PIEZO2: variants seen among roughly 807,000 people sequenced by gnomAD.
PIEZO2 encodes piezo-type mechanosensitive ion channel component 2.
PIEZO2 carries 172 observed loss-of-function variants against 337.3 expected under a neutral mutation model. That is an observed-to-expected ratio of 0.51 (90% CI 0.45 to 0.58). PIEZO2 has a LOEUF of 0.58. Among genes scored for constraint, PIEZO2 ranks in the 20% least tolerant of loss-of-function variants. The probability of loss-of-function intolerance (pLI) is 0.00; values close to 1 mark genes in which losing one functional copy is unlikely to be tolerated. For missense variants in PIEZO2, 3,028 were observed against 3,391.3 expected, an observed-to-expected ratio of 0.89 and a Z score of 2.66; for synonymous variants, 1,251 against 1,228.5, an observed-to-expected ratio of 1.02 and a Z score of -0.38.
At chr18:10,989,217 A>T (rs534703071) in intron 2 of PIEZO2, among the ~76,000 whole-genome samples, 38 of 152,228 alleles carry the variant, frequency 2.5e-4, no homozygotes, top group African/African-American at 8.9e-4. Context: ...ATTGAAATGT[A>T]TACATTAATT....
chr18:10,726,632 A>G lies in PIEZO2; in HGVS notation c.5029+4775T>C. 1 of 1,384,300 alleles carries G rather than the reference A, an allele frequency of 7.2e-7. No individual in the cohort carries two copies. Among genetic ancestry groups the G allele is most frequent in the Non-Finnish European group, 9.7e-7 (1 of 1,028,430 alleles). 85.8% of individuals were successfully genotyped at this position (1,384,300 alleles called of 1,614,324 possible). A position where few individuals can be genotyped will look rare whatever the true frequency, so the allele number is the denominator to read the frequency against. ...CGGGACGCCGACGTGCGCTGGGAGT[A>G]CTGCGCGCGCGCCAAGCGCGGCCAG... On this transcript the variant is annotated intron_variant, in intron 36 of 55. Coordinates refer to ENST00000674853, the MANE Select transcript of PIEZO2 (RefSeq NM_001378183.1). This position sits in a 1 kb window ranked among gnomAD's most constrained non-coding sequence, Gnocchi z 5.9.
chr18:10,991,205 C>CAT (rs924280792), intron 2 of PIEZO2, among the ~76,000 whole-genome samples: 8 of 146,194 alleles, frequency 5.5e-5, no homozygotes, highest in Non-Finnish European at 7.5e-5. Flanking sequence ...TACATATATA[C>CAT]ATATATATAT....
intron 1 of PIEZO2, among the ~76,000 whole-genome samples, chr18:11,119,603 T>C (rs78769734): frequency 0.025 from 3,855 of 152,244 alleles, 75 homozygotes; most frequent in East Asian, 0.077. Context: ...CAATGAAATA[T>C]TACGAAGGTA....
intron 4 of PIEZO2, among the ~76,000 whole-genome samples, chr18:10,891,983 T>C (rs1481074519): frequency 1.3e-5 from 2 of 152,150 alleles, no homozygotes; most frequent in African/African-American, 4.8e-5. Context: ...CAGAAATGGG[T>C]CCGGTAAACA....
Position 10,837,203 on chromosome 18 carries a change from A to AGG in PIEZO2, c.917+18149_917+18150insCC, listed in dbSNP as rs2041042319. Among the ~76,000 whole-genome samples the AGG allele has an allele frequency of 6.6e-6, 1 of 152,190 alleles. No individual in the cohort carries two copies. The highest frequency in any genetic ancestry group is 2.4e-5 in the African/African-American group (1 of 41,456). On this transcript the variant is annotated intron_variant, in intron 7 of 55. Transcript: ENST00000674853. The surrounding 1 kb of genome is among the most constrained non-coding windows in gnomAD (Gnocchi z 4.4). ...TGGACGGTAACAGAACCTGGAAATCAATGCTTTGAGGGGATTTTATTTTGA... is the reference window on the plus strand; with the variant it reads ...TGGACGGTAACAGAACCTGGAAATCAGGATGCTTTGAGGGGATTTTATTTTGA...
intron 36 of PIEZO2, among the ~76,000 whole-genome samples, chr18:10,721,268 T>C (rs2036299181): frequency 6.6e-6 from 1 of 152,154 alleles, no homozygotes; most frequent in Admixed American, 6.5e-5. Context: ...AAGGATCGAG[T>C]TAGTTACTAC....
chr18:11,066,131 C>G lies in PIEZO2; in HGVS notation c.156G>C (p.Met52Ile). 6.5e-7 allele frequency: 1 copy of G among 1,530,696 alleles called. No homozygotes were observed. Among genetic ancestry groups the G allele is most frequent in the Non-Finnish European group, 8.8e-7 (1 of 1,141,030 alleles). The allele number at this position is 1,530,696 out of a possible 1,614,324, so 94.8% of individuals were successfully genotyped here. ...ACGATAACAAAATTCTCTTACCTTG[C>G]ATCGTCGTTTTTGTTGGTTCTGAGA... Reference protein sequence around the residue: ...PLFSEPTKTTMQGHTGRLLKS... With the variant: ...PLFSEPTKTTIQGHTGRLLKS... Residue 52 changes from methionine to isoleucine, a missense_variant, in exon 2 of 56, where the codon ATG becomes ATC. By Grantham distance (10) the Met-to-Ile change is conservative. Around this residue, in one of 5 missense-constraint regions of PIEZO2, gnomAD observed 542 missense variants for 605.6 expected, o/e 0.89. Coordinates refer to ENST00000674853, the MANE Select transcript of PIEZO2 (RefSeq NM_001378183.1).
At chr18:10,977,001 A>ATATGTG (rs1555686066) in intron 3 of PIEZO2, among the ~76,000 whole-genome samples, 1 of 142,800 alleles carries the variant, frequency 7.0e-6, no homozygotes, top group Non-Finnish European at 1.5e-5. Flanking sequence ...AAGAACAAAT[A>ATATGTG]TGTGTGTGTG....
rs904102440 is a variant in PIEZO2, at chr18:10,762,839, T to C, written c.3123+83A>G. The C allele has an allele frequency of 1.5e-5, 22 of 1,450,612 alleles. 1 individual carries two copies. The Admixed American group carries it at 4.8e-4, about 32-fold the overall frequency. The allele number at this position is 1,450,612 out of a possible 1,614,324, so 89.9% of individuals were successfully genotyped here. On this transcript the variant is annotated intron_variant, in intron 22 of 55. Coordinates refer to ENST00000674853, the MANE Select transcript of PIEZO2 (RefSeq NM_001378183.1). ...CTTACAAGCCAGGTCAGGCCAAATGTGCTTGGGGATGGGGGTTCCCCAAGT... is the reference window on the plus strand; with the variant it reads ...CTTACAAGCCAGGTCAGGCCAAATGCGCTTGGGGATGGGGGTTCCCCAAGT...
intron 1 of PIEZO2, among the ~76,000 whole-genome samples, chr18:11,074,648 A>G (rs774246083): frequency 2.6e-5 from 4 of 152,244 alleles, no homozygotes; most frequent in Non-Finnish European, 5.9e-5. Context: ...GCAATTTGGA[A>G]AAAACTCAAG....
chr18:10,946,251 C>A (rs1198389021), intron 3 of PIEZO2, among the ~76,000 whole-genome samples: 1 of 152,028 alleles, frequency 6.6e-6, no homozygotes, highest in African/African-American at 2.4e-5. Flanking sequence ...GGCAGACAAA[C>A]AAAGATAGGA....
At chr18:10,743,693 T>G (rs1441114270) in intron 31 of PIEZO2, among the ~76,000 whole-genome samples, 1 of 152,234 alleles carries the variant, frequency 6.6e-6, no homozygotes, top group Non-Finnish European at 1.5e-5. Flanking sequence ...ACTCCACATT[T>G]ACTCCCTTAG....
intron 2 of PIEZO2, among the ~76,000 whole-genome samples, chr18:10,994,732 C>G (rs2035242843): frequency 6.6e-6 from 1 of 151,776 alleles, no homozygotes; most frequent in African/African-American, 2.4e-5. Context: ...TAAGGAACCT[C>G]TGTATTGTTT....
At position 10,671,648 on chromosome 18, in the gene PIEZO2, T is replaced by C. The variant is rs1598336703; in HGVS notation, c.8477A>G (p.Asp2826Gly). ...TCCTGTCTCTCGAACTAAAAAAATA[T>C]CTGTGCACAACTTCAAAATTCGATC... ...NVDRILKLCT[D>G]IFLVRETGEL... The change falls in exon 56 of 56, where the codon GAT (aspartate) becomes GGT (glycine). Residue 2826 changes from aspartate to glycine, a missense_variant. Around this residue, in one of 5 missense-constraint regions of PIEZO2, gnomAD observed 332 missense variants for 363.8 expected, o/e 0.91. Coordinates refer to ENST00000674853, the MANE Select transcript of PIEZO2 (RefSeq NM_001378183.1). 1.9e-6 allele frequency: 3 copies of C among 1,614,036 alleles called. No individual in the cohort carries two copies. Among genetic ancestry groups the C allele is most frequent in the Non-Finnish European group, 2.5e-6 (3 of 1,179,988 alleles).
chr18:10,702,170 A>T lies in PIEZO2; in HGVS notation c.6260T>A (p.Val2087Glu). The change falls in exon 43 of 56, where the codon GTG becomes GAG. Residue 2087 changes from valine (V) to glutamate (E), a missense_variant and splice_region_variant. By Grantham distance (121) the Val-to-Glu change is moderately radical. This residue lies in a region of PIEZO2 where 1,925 missense variants were observed against 2,051.9 expected (regional missense o/e 0.94). Coordinates refer to ENST00000674853, the MANE Select transcript of PIEZO2 (RefSeq NM_001378183.1). Reference sequence around the variant, plus strand: ...GAAGAAATACTTGACTACAATTGCCACCTACGCACAGATGACAGAAATTTT... The same window carrying T: ...GAAGAAATACTTGACTACAATTGCCTCCTACGCACAGATGACAGAAATTTT... The part of the protein sequence containing the change: ...FWMMAIVYTE[V>E]AIVVKYFFQF... 2.0e-6 allele frequency: 3 copies of T among 1,535,010 alleles called. No individual in the cohort carries two copies. The highest frequency in any genetic ancestry group is 2.6e-6 in the Non-Finnish European group (3 of 1,146,334).
In PIEZO2 at chr18:11,129,201, T is replaced by G. The variant is rs572659717; in HGVS notation, c.64+19324A>C. Among the ~76,000 whole-genome samples the G allele has an allele frequency of 6.6e-6, 1 of 152,234 alleles. No individual in the cohort carries two copies. The highest frequency in any genetic ancestry group is 2.4e-5 in the African/African-American group (1 of 41,532). ...AGATATACCCTTGACCAATGCCTTG[T>G]GAAACAGATTTGTGAGGGCAGCACC... On this transcript the variant is annotated intron_variant, in intron 1 of 55. Coordinates refer to ENST00000674853, the MANE Select transcript of PIEZO2 (RefSeq NM_001378183.1). This position sits in a 1 kb window ranked among gnomAD's most constrained non-coding sequence, Gnocchi z 4.6.
intron 36 of PIEZO2, among the ~76,000 whole-genome samples, chr18:10,729,925 CA>C (rs1436455308): frequency 6.6e-6 from 1 of 152,182 alleles, no homozygotes; most frequent in Non-Finnish European, 1.5e-5. Flanking sequence ...TCAAAGCTAT[CA>C]ATCTCATTTT....
chr18:10,842,884 AG>A (rs1447525952), intron 7 of PIEZO2, among the ~76,000 whole-genome samples: 4 of 152,274 alleles, frequency 2.6e-5, no homozygotes, highest in Non-Finnish European at 5.9e-5. Context: ...ACGTTTGTCA[AG>A]TTGTCTTAGC....
chr18:10,820,352 T>C (rs74713838), intron 7 of PIEZO2, among the ~76,000 whole-genome samples: 3 of 151,874 alleles, frequency 2.0e-5, no homozygotes, highest in African/African-American at 7.2e-5. Flanking sequence ...TTTTTTTTTT[T>C]CTTCCTCAAT....
Sources: allele counts gnomAD v4.1 joint callset (sites outside exome capture counted in the v4.1 genomes callset), GRCh38; gene constraint gnomAD v4.1.1; regional missense constraint gnomAD v4.1.1; non-coding constraint Gnocchi (gnomAD v3.1); transcripts MANE v1.5; gene names NCBI Gene and HGNC (gene_info 2026-07-23, HGNC 2026-07-21).